The following NLGN1 variants were observed in gnomAD, a reference collection of about 807,000 sequenced individuals.
The protein encoded by NLGN1 is neuroligin 1, also known as neuroligin-1.
Under a neutral mutation model 65.5 loss-of-function variants are expected in NLGN1, and 12 were observed. The ratio of observed to expected loss-of-function variants is 0.18; its 90% confidence interval spans 0.12 to 0.30. The LOEUF is 0.30. Among genes scored for constraint, NLGN1 ranks in the 10% least tolerant of loss-of-function variants. The probability of loss-of-function intolerance (pLI) is 1.00; values close to 1 mark genes in which losing one functional copy is unlikely to be tolerated. For missense variants in NLGN1, 750 were observed against 1,007.1 expected (o/e 0.74, Z 3.46); for synonymous variants, 350 against 359.5 (o/e 0.97, Z 0.30).
intron 4 of NLGN1, among the ~76,000 whole-genome samples, chr3:174,112,609 A>G (rs1715479679): frequency 6.6e-6 from 1 of 151,864 alleles, no homozygotes; most frequent in African/African-American, 2.4e-5. Context: ...TGCAGGATGT[A>G]TTTTATATCT....
chr3:173,964,974 T>C (rs1214709221), intron 4 of NLGN1, among the ~76,000 whole-genome samples: 1 of 152,174 alleles, frequency 6.6e-6, no homozygotes, highest in African/African-American at 2.4e-5. Flanking sequence ...TTCACAGTTA[T>C]AAGTAGCTAT....
intron 3 of NLGN1, among the ~76,000 whole-genome samples, chr3:173,628,325 C>T (rs996081259): frequency 2.0e-5 from 3 of 152,100 alleles, no homozygotes; most frequent in Non-Finnish European, 2.9e-5. Context: ...CCTTATTCTT[C>T]GTTTACTACT....
intron 3 of NLGN1, among the ~76,000 whole-genome samples, chr3:173,731,997 T>C: frequency 6.6e-6 from 1 of 152,128 alleles, no homozygotes; most frequent in East Asian, 1.9e-4. Context: ...AAGTACAAAC[T>C]AAATTGTTGT....
intron 2 of NLGN1, among the ~76,000 whole-genome samples, chr3:173,534,476 T>C (rs570695755): frequency 6.6e-6 from 1 of 152,192 alleles, no homozygotes; most frequent in South Asian, 2.1e-4. Flanking sequence ...CTGTCTCTCT[T>C]CCCCCCATGG....
chr3:174,161,671 T>G (rs1354280948), intron 4 of NLGN1, among the ~76,000 whole-genome samples: 2 of 151,810 alleles, frequency 1.3e-5, no homozygotes, highest in Admixed American at 1.3e-4. Context: ...GAAAGGTTAG[T>G]CAACAGGAAG....
At chr3:173,817,878 G>A (rs1403188712) in intron 4 of NLGN1, among the ~76,000 whole-genome samples, 1 of 152,130 alleles carries the variant, frequency 6.6e-6, no homozygotes, top group African/African-American at 2.4e-5. Flanking sequence ...TTGAGAAAAT[G>A]TGGTTTGTGA....
At chr3:173,749,014 A>G (rs1331119286) in intron 3 of NLGN1, among the ~76,000 whole-genome samples, 1 of 152,098 alleles carries the variant, frequency 6.6e-6, no homozygotes, top group Non-Finnish European at 1.5e-5. Flanking sequence ...GAAAAAAAGC[A>G]GATCTGTTCA....
chr3:173,589,900 A>G (rs1748173564), intron 2 of NLGN1, among the ~76,000 whole-genome samples: 1 of 152,188 alleles, frequency 6.6e-6, no homozygotes, highest in Admixed American at 6.5e-5. Context: ...AAACAGTCAC[A>G]ATGAGTACTC....
intron 4 of NLGN1, among the ~76,000 whole-genome samples, chr3:174,187,803 G>C (rs1196088265): frequency 6.6e-6 from 1 of 151,892 alleles, no homozygotes; most frequent in Non-Finnish European, 1.5e-5. Context: ...GTTCCTGGGG[G>C]AATCACGCCA....
chr3:173,695,619 T>C (rs1701368741), intron 3 of NLGN1: 2 of 293,700 alleles, frequency 6.8e-6, no homozygotes, highest in Non-Finnish European at 1.4e-5. Flanking sequence ...TTTTTGTTTT[T>C]AAACATCTTA....
At chr3:173,766,549 C>T (rs1292304835) in intron 3 of NLGN1, among the ~76,000 whole-genome samples, 1 of 152,098 alleles carries the variant, frequency 6.6e-6, no homozygotes, top group African/African-American at 2.4e-5. Flanking sequence ...TAGGTATGTG[C>T]TTGTCATCTT....
At chr3:173,583,219 T>C (rs1236149736) in intron 2 of NLGN1, among the ~76,000 whole-genome samples, 1 of 152,234 alleles carries the variant, frequency 6.6e-6, no homozygotes, top group Non-Finnish European at 1.5e-5. Flanking sequence ...TTCTTACCCT[T>C]TGCCCTTGCA....
intron 4 of NLGN1, among the ~76,000 whole-genome samples, chr3:174,205,686 T>C (rs1231982073): frequency 1.3e-5 from 2 of 152,206 alleles, no homozygotes; most frequent in Non-Finnish European, 2.9e-5. Context: ...AATTTCTGTG[T>C]TTTTGTATCT....
intron 4 of NLGN1, among the ~76,000 whole-genome samples, chr3:174,077,773 C>A (rs1465019645): frequency 6.6e-6 from 1 of 152,102 alleles, no homozygotes; most frequent in African/African-American, 2.4e-5. Context: ...TCAGGCTGGT[C>A]TCGAACTCCT....
intron 4 of NLGN1, among the ~76,000 whole-genome samples, chr3:173,816,173 G>A (rs1719007015): frequency 6.6e-6 from 1 of 151,592 alleles, no homozygotes; most frequent in African/African-American, 2.4e-5. Context: ...AGTTGTAGAA[G>A]TCAATAATAA....
At position 174,112,212 on chromosome 3, in the gene NLGN1, A is replaced by G. The variant is rs150176938; in HGVS notation, c.647-163103A>G. 2.4e-3 allele frequency among the ~76,000 whole-genome samples: 372 copies of G among 152,052 alleles called. 3 individuals carry two copies. Among genetic ancestry groups the G allele is most frequent in the Non-Finnish European group, 3.9e-3 (266 of 67,864 alleles). On this transcript the variant is annotated intron_variant, in intron 4 of 6. Transcript: ENST00000457714. Reference sequence around the variant, plus strand: ...CAGTCCTGGTGTACGAGGAGTTTATATATGAAACTTTACAAGGTTGAAATG... The same window carrying G: ...CAGTCCTGGTGTACGAGGAGTTTATGTATGAAACTTTACAAGGTTGAAATG...
intron 3 of NLGN1, among the ~76,000 whole-genome samples, chr3:173,804,903 G>A (rs1247035084): frequency 6.6e-6 from 1 of 152,094 alleles, no homozygotes; most frequent in Non-Finnish European, 1.5e-5. Flanking sequence ...GTAGGCGCCT[G>A]TAATCCCAAC....
At chr3:173,522,235 G>A (rs189948139) in intron 2 of NLGN1, among the ~76,000 whole-genome samples, 16 of 152,264 alleles carry the variant, frequency 1.1e-4, no homozygotes, top group Admixed American at 4.6e-4. Context: ...GTTATTTCAC[G>A]TAGGATAATG....
intron 3 of NLGN1, among the ~76,000 whole-genome samples, chr3:173,747,845 A>G (rs1461337802): frequency 5.6e-5 from 5 of 88,902 alleles, no homozygotes; most frequent in African/African-American, 2.6e-4. Flanking sequence ...ACAGGGTCTT[A>G]CTCTGTCACC....
Sources: allele counts gnomAD v4.1 joint callset (sites outside exome capture counted in the v4.1 genomes callset), GRCh38; gene constraint gnomAD v4.1.1; transcripts MANE v1.5; gene names NCBI Gene and HGNC (gene_info 2026-07-23, HGNC 2026-07-21).